MYO16: variants seen among roughly 807,000 people sequenced by gnomAD.
MYO16 encodes the protein myosin XVI, also known as unconventional myosin-XVI.
A neutral mutation model predicts 205.3 loss-of-function variants in MYO16; 94 were observed. The observed-to-expected ratio is 0.46, with a 90% CI of 0.39 to 0.54. The LOEUF is 0.54. Among genes scored for constraint, MYO16 ranks in the 20% least tolerant of loss-of-function variants. The probability of loss-of-function intolerance (pLI) is 0.00; values close to 1 mark genes in which losing one functional copy is unlikely to be tolerated. For missense variants in MYO16, 2,315 were observed against 2,387.5 expected (o/e 0.97, Z 0.63); for synonymous variants, 988 against 954.0 (o/e 1.04, Z -0.66).
chr13:108,957,392 A>AAC (rs1398069432), intron 16 of MYO16, among the ~76,000 whole-genome samples: 1 of 151,546 alleles, frequency 6.6e-6, no homozygotes, highest in East Asian at 1.9e-4. Context: ...TCAAAAAAAA[A>AAC]AAAAAAAAAC....
At chr13:108,722,666 A>G (rs896707969) in intron 3 of MYO16, among the ~76,000 whole-genome samples, 2 of 152,184 alleles carry the variant, frequency 1.3e-5, no homozygotes, top group African/African-American at 4.8e-5. Flanking sequence ...TTATACGCTG[A>G]GCTATCACAA....
At chr13:109,078,900 C>G (rs2139665361) in intron 27 of MYO16, among the ~76,000 whole-genome samples, 1 of 152,276 alleles carries the variant, frequency 6.6e-6, no homozygotes, top group East Asian at 1.9e-4. Context: ...ATGGTTCCCT[C>G]TAATCCACTC....
chr13:108,548,479 T>C, the MYO16 span, among the ~76,000 whole-genome samples: 5 of 151,474 alleles, frequency 3.3e-5, no homozygotes, highest in Admixed American at 1.3e-4. Context: ...AAGACGATGA[T>C]GATGCTGGTG....
chr13:108,733,548 A>G (rs1191518804), intron 4 of MYO16, among the ~76,000 whole-genome samples: 4 of 151,660 alleles, frequency 2.6e-5, no homozygotes, highest in African/African-American at 9.7e-5. Context: ...ATTCAGAGCT[A>G]AGAGTCCCTA....
At chr13:108,886,608 G>A (rs554045990) in intron 13 of MYO16, 2 of 417,026 alleles carry the variant, frequency 4.8e-6, no homozygotes, top group African/African-American at 2.0e-5. Context: ...CGTCCTTCCA[G>A]TGCGCATGCT....
At chr13:109,116,305 G>A (rs9583337) in intron 28 of MYO16, among the ~76,000 whole-genome samples, 48,731 of 151,882 alleles carry the variant, frequency 0.32, 8,452 homozygotes, top group Non-Finnish European at 0.4. Flanking sequence ...CAAAGCCCTT[G>A]GTTGTACCTC....
chr13:109,182,433 T>G (rs1196231943), intron 34 of MYO16, among the ~76,000 whole-genome samples: 1 of 152,046 alleles, frequency 6.6e-6, no homozygotes, highest in Non-Finnish European at 1.5e-5. Context: ...CAGAAGAATA[T>G]TAGTCGGAGA....
At chr13:108,972,361 T>C (rs1221715307) in intron 20 of MYO16, among the ~76,000 whole-genome samples, 2 of 31,408 alleles carry the variant, frequency 6.4e-5, no homozygotes, top group African/African-American at 4.0e-4. Context: ...CATATATATA[T>C]ATATATATAT....
intron 23 of MYO16, among the ~76,000 whole-genome samples, chr13:109,038,436 C>T (rs891959205): frequency 1.2e-4 from 19 of 152,014 alleles, no homozygotes; most frequent in African/African-American, 3.9e-4. Context: ...AATCTCCTGC[C>T]CTTGGTACTC....
intron 29 of MYO16, among the ~76,000 whole-genome samples, chr13:109,120,997 C>T (rs1436850161): frequency 7.2e-5 from 11 of 152,156 alleles, no homozygotes; most frequent in African/African-American, 2.4e-4. Flanking sequence ...TGCAGTGAGC[C>T]GTGTTTCTAC....
chr13:109,134,609 C>G (rs779017806), intron 31 of MYO16, among the ~76,000 whole-genome samples: 2 of 152,204 alleles, frequency 1.3e-5, no homozygotes, highest in Non-Finnish European at 2.9e-5. Context: ...GGTCTCTCTG[C>G]ATTGCCTGGG....
intron 32 of MYO16, among the ~76,000 whole-genome samples, chr13:109,144,140 G>A (rs1877224911): frequency 6.6e-6 from 1 of 151,188 alleles, no homozygotes; most frequent in East Asian, 2.0e-4. Flanking sequence ...TCAGCCTCTC[G>A]AGTACCTGGA....
intron 27 of MYO16, among the ~76,000 whole-genome samples, chr13:109,057,065 A>G (rs151213487): frequency 1.2e-3 from 178 of 152,318 alleles, no homozygotes; most frequent in African/African-American, 3.8e-3. Flanking sequence ...AAGCAAGCCA[A>G]CAAACTTAAA....
chr13:108,535,927 G>T, the MYO16 span, among the ~76,000 whole-genome samples: 1 of 152,108 alleles, frequency 6.6e-6, no homozygotes, highest in Non-Finnish European at 1.5e-5. Context: ...TTTAGGAGAT[G>T]TCCAGCTGAT....
chr13:108,939,812 C>T (rs543030561), intron 16 of MYO16, among the ~76,000 whole-genome samples: 2 of 152,144 alleles, frequency 1.3e-5, no homozygotes, highest in African/African-American at 4.8e-5. Context: ...GTGGTACTAC[C>T]TATAGTGTTG....
Position 109,140,806 on chromosome 13 carries a change from C to T in MYO16, c.4594C>T (p.Pro1532Ser). 1.3e-6 allele frequency: 2 copies of T among 1,585,922 alleles called. No individual in the cohort carries two copies. Among genetic ancestry groups the T allele is most frequent in the Non-Finnish European group, 1.7e-6 (2 of 1,168,684 alleles). ...CTGCTCCCCCGCCTCCGACGAGTCG[C>T]CCCTGACACCCCTGGAGGTGAAGAA... The part of the protein sequence containing the change: ...VTCSPASDES[P>S]LTPLEVKKLP... The change falls in exon 32 of 35, where the codon CCC becomes TCC. Residue 1532 changes from proline (P) to serine (S), a missense_variant. Physicochemically the swap from Pro to Ser is moderately conservative, Grantham distance 74. Transcript: ENST00000457511. This position sits in a 1 kb window ranked among gnomAD's most constrained non-coding sequence, Gnocchi z 8.0.
chr13:109,133,940 G>A (rs547791197), intron 31 of MYO16, among the ~76,000 whole-genome samples: 1 of 152,114 alleles, frequency 6.6e-6, no homozygotes, highest in East Asian at 1.9e-4. Flanking sequence ...ACCCCCAGAG[G>A]TTCCATTTTA....
At chr13:108,893,995 A>T (rs1332132625) in intron 14 of MYO16, among the ~76,000 whole-genome samples, 3 of 152,206 alleles carry the variant, frequency 2.0e-5, no homozygotes, top group Non-Finnish European at 4.4e-5. Flanking sequence ...TTTTAAAAAA[A>T]GGAGGTTTAA....
chr13:109,080,566 C>T (rs1478040782), intron 27 of MYO16, among the ~76,000 whole-genome samples: 1 of 116,710 alleles, frequency 8.6e-6, no homozygotes, highest in Non-Finnish European at 1.9e-5. Flanking sequence ...TCTGAACATT[C>T]TGTGCCCCTC....
Sources: allele counts gnomAD v4.1 joint callset (sites outside exome capture counted in the v4.1 genomes callset), GRCh38; gene constraint gnomAD v4.1.1; non-coding constraint Gnocchi (gnomAD v3.1); transcripts MANE v1.5; gene names NCBI Gene and HGNC (gene_info 2026-07-23, HGNC 2026-07-21).